TNNI1: variants seen among roughly 807,000 people sequenced by gnomAD.
The protein encoded by TNNI1 is troponin I1, slow skeletal type, also known as troponin I, slow skeletal muscle.
Under a neutral mutation model 26.7 loss-of-function variants are expected in TNNI1, and 14 were observed. That is an observed-to-expected ratio of 0.52 (90% CI 0.35 to 0.82). The LOEUF (loss-of-function observed/expected upper bound fraction) is 0.82, where lower values mean the gene tolerates loss of function less well. Among genes scored for constraint, TNNI1 ranks in the 40% least tolerant of loss-of-function variants. The pLI is 0.01. For synonymous variants in TNNI1, 79 were observed against 98.2 expected, an observed-to-expected ratio of 0.80 and a Z score of 1.16; for missense variants, 164 against 257.0, an observed-to-expected ratio of 0.64 and a Z score of 2.47.
At chr1:201,420,901 C>G (rs754916766) in intron 1 of TNNI1, among the ~76,000 whole-genome samples, 2 of 152,190 alleles carry the variant, frequency 1.3e-5, no homozygotes, top group Non-Finnish European at 2.9e-5. Flanking sequence ...CGCCACACGG[C>G]CCCCTGCCCC....
chr1:201,418,752 C>A (rs977357191), intron 1 of TNNI1, among the ~76,000 whole-genome samples: 1 of 152,218 alleles, frequency 6.6e-6, no homozygotes, highest in Non-Finnish European at 1.5e-5. Context: ...ATCCCGTGTT[C>A]ACCCTAGTCT....
At chr1:201,412,413 G>T (rs919431974) in intron 6 of TNNI1, among the ~76,000 whole-genome samples, 12 of 152,094 alleles carry the variant, frequency 7.9e-5, no homozygotes, top group East Asian at 1.9e-4. Context: ...AGTGGCTTGT[G>T]CTCCCTCCCT....
intron 6 of TNNI1, among the ~76,000 whole-genome samples, chr1:201,412,337 G>C (rs985842363): frequency 3.3e-5 from 5 of 152,128 alleles, no homozygotes; most frequent in Non-Finnish European, 7.4e-5. Flanking sequence ...TGATCTCTAG[G>C]GGGAGTTCTT....
chr1:201,417,235 G>A, intron 2 of TNNI1, 116 bp from the exon 3 acceptor site: 3 of 1,382,356 alleles, frequency 2.2e-6, no homozygotes, highest in Non-Finnish European at 3.1e-6. Flanking sequence ...GGGAGGAGGG[G>A]GCCAGTGACA....
Position 201,413,126 on chromosome 1 carries a change from GGGCCGCA to G in TNNI1, c.190-12_190-6del. On this transcript the variant is annotated splice_region_variant and splice_polypyrimidine_tract_variant and intron_variant, in intron 5 of 8. Transcript: ENST00000361379. The stretch of plus-strand genomic sequence containing the variant: ...GTGCAGCTCCCGGCACAGGTCCTGG[GGGCCGCA>G]GATGGATCATGCAGGTGTGAAGAAG... 1 of 1,613,904 alleles carries G rather than the reference GGGCCGCA, an allele frequency of 6.2e-7. No individual in the cohort carries two copies. Among genetic ancestry groups the G allele is most frequent in the Non-Finnish European group, 8.5e-7 (1 of 1,179,918 alleles).
At chr1:201,413,160 G>A in intron 5 of TNNI1, 39 bp from the exon 6 acceptor site, 1 of 1,609,250 alleles carries the variant, frequency 6.2e-7, no homozygotes, top group African/African-American at 1.3e-5. Context: ...GTGAAGAAGA[G>A]GGGAACAGAG....
chr1:201,419,775 G>T (rs1044287304), intron 1 of TNNI1, among the ~76,000 whole-genome samples: 2 of 152,180 alleles, frequency 1.3e-5, no homozygotes, highest in African/African-American at 4.8e-5. Context: ...GCCACCAGGG[G>T]AGGGTAAGGC....
chr1:201,409,295 G>A (rs1347340829), intron 8 of TNNI1, 45 bp from the exon 9 acceptor site: 3 of 152,330 alleles, frequency 2.0e-5, no homozygotes, highest in East Asian at 1.9e-4. Context: ...GGGGACCTGT[G>A]TGCAGCGCAT....
In TNNI1 at chr1:201,405,248, G is replaced by T. The variant is rs1001757375; in HGVS notation, c.*4005C>A. 2.0e-5 allele frequency: 3 copies of T among 152,736 alleles called. No individual in the cohort carries two copies. Among genetic ancestry groups the T allele is most frequent in the African/African-American group, 7.2e-5 (3 of 41,446 alleles). 9.5% of individuals were successfully genotyped at this position (152,736 alleles called of 1,614,324 possible). A position where few individuals can be genotyped will look rare whatever the true frequency, so the allele number is the denominator to read the frequency against. On this transcript the variant is annotated 3_prime_UTR_variant, in exon 9 of 9. Coordinates refer to ENST00000361379, the MANE Select transcript of TNNI1 (RefSeq NM_003281.4). ...TCTGGTCCTTCGGACATTGACCGCAGTGCTCTGGGCCAGTGCTATGGGGTT... is the reference window on the plus strand; with the variant it reads ...TCTGGTCCTTCGGACATTGACCGCATTGCTCTGGGCCAGTGCTATGGGGTT...
At chr1:201,412,092 C>T (rs1571735286) in intron 6 of TNNI1, among the ~76,000 whole-genome samples, 2 of 152,232 alleles carry the variant, frequency 1.3e-5, no homozygotes, top group Middle Eastern at 3.2e-3. Context: ...CAGATAAAGC[C>T]TATTAGCCGT....
intron 5 of TNNI1, among the ~76,000 whole-genome samples, chr1:201,413,560 T>C (rs189877488): frequency 1.3e-5 from 2 of 152,150 alleles, no homozygotes; most frequent in South Asian, 2.1e-4. Flanking sequence ...GCCTGACCAA[T>C]GTGGTGAAAC....
At chr1:201,418,677 G>A (rs898697158) in intron 1 of TNNI1, among the ~76,000 whole-genome samples, 1 of 152,148 alleles carries the variant, frequency 6.6e-6, no homozygotes, top group African/African-American at 2.4e-5. Flanking sequence ...CAATGCAACT[G>A]GCACCTCCAG....
chr1:201,407,111 T>G lies in TNNI1; in HGVS notation c.*2142A>C, dbSNP rs1347058777. 6.6e-6 allele frequency: 1 copy of G among 152,238 alleles called. No individual in the cohort carries two copies. The allele number at this position is 152,238 out of a possible 1,614,324, so 9.4% of individuals were successfully genotyped here. ...CAAAACTGGGATTTGACTCTGGAAC[T>G]TGGGGCCAGGCTCTAGGGAAGAGCT... On this transcript the variant is annotated 3_prime_UTR_variant, in exon 9 of 9. Transcript: ENST00000361379.
chr1:201,411,366 G>A lies in TNNI1; in HGVS notation c.447C>T (p.Asp149=), dbSNP rs774548737. Residue 149 remains aspartate, a synonymous_variant, in exon 7 of 9, where the codon GAC becomes GAT. Coordinates refer to ENST00000361379, the MANE Select transcript of TNNI1 (RefSeq NM_003281.4). This position sits in a 1 kb window ranked among gnomAD's most constrained non-coding sequence, Gnocchi z 4.6. ...AGGAAAGGGACCTCACCTTCTCTGTGTCTTCCTTCTTCACAGACTTGAGGT... is the reference window on the plus strand; with the variant it reads ...AGGAAAGGGACCTCACCTTCTCTGTATCTTCCTTCTTCACAGACTTGAGGT... The part of the protein sequence containing the change: ...RANLKSVKKE[D]TEKERPVEVG... The A allele has an allele frequency of 6.2e-7, 1 of 1,613,680 alleles. No individual in the cohort carries two copies. Among genetic ancestry groups the A allele is most frequent in the Admixed American group, 1.7e-5 (1 of 59,956 alleles).
chr1:201,415,172 C>T (rs964359074), intron 4 of TNNI1, 41 bp downstream of exon 4: 2 of 1,574,124 alleles, frequency 1.3e-6, no homozygotes, highest in Non-Finnish European at 1.7e-6. Flanking sequence ...GCCCCTCTGC[C>T]TCCCACTGGG....
At chr1:201,409,585 C>T (rs1221237707) in intron 8 of TNNI1, among the ~76,000 whole-genome samples, 2 of 152,214 alleles carry the variant, frequency 1.3e-5, no homozygotes, top group Non-Finnish European at 2.9e-5. Context: ...TATCAGCTAA[C>T]ACTCGCTCGT....
At chr1:201,410,495 G>A in intron 7 of TNNI1, 60 bp from the exon 8 acceptor site, 1 of 1,426,534 alleles carries the variant, frequency 7.0e-7, no homozygotes, top group Non-Finnish European at 9.9e-7. Context: ...CCCAGCTCAA[G>A]AGAAGCTGGG....
chr1:201,415,525 C>A (rs1412461557), intron 3 of TNNI1, among the ~76,000 whole-genome samples: 1 of 152,154 alleles, frequency 6.6e-6, no homozygotes, highest in Non-Finnish European at 1.5e-5. Context: ...ATGAGGGCCA[C>A]ATGGCTTCTA....
rs372326933 is a variant in TNNI1 at position 201,415,212 on chromosome 1, C to A, written c.57+1G>T. The A allele has an allele frequency of 1.2e-6, 2 of 1,613,852 alleles. No homozygotes were observed. The highest frequency in any genetic ancestry group is 1.7e-6 in the Non-Finnish European group (2 of 1,179,968). ...CCCCCACAGCCAGCCCCCAGCCTCA[C>A]CTTCAGCAAGAGTTTGCGGGAGGCA... On this transcript the variant is annotated splice_donor_variant, in intron 4 of 8. Coordinates refer to ENST00000361379, the MANE Select transcript of TNNI1 (RefSeq NM_003281.4). LOFTEE classifies it high-confidence loss of function.
Sources: gnomAD v4.1 joint callset for allele counts (sites outside exome capture counted in the v4.1 genomes callset) on GRCh38, gnomAD v4.1.1 for gene constraint, Gnocchi (gnomAD v3.1) non-coding constraint, MANE v1.5 for transcripts, NCBI Gene and HGNC (gene_info 2026-07-23, HGNC 2026-07-21) for gene names.